ROBO1: variants seen among roughly 807,000 people sequenced by gnomAD.
ROBO1 encodes roundabout homolog 1.
A neutral mutation model predicts 195.9 loss-of-function variants in ROBO1; 149 were observed. The observed-to-expected ratio is 0.76, with a 90% confidence interval of 0.67 to 0.87. ROBO1 has a LOEUF of 0.87. Ranked by LOEUF, ROBO1 falls within the 40% of genes least tolerant of loss-of-function variation. The probability of loss-of-function intolerance (pLI) is 0.00; values close to 1 mark genes in which losing one functional copy is unlikely to be tolerated. For synonymous variants in ROBO1, 816 were observed against 733.2 expected (o/e 1.11, Z -1.82); for missense variants, 1,933 against 2,068.3 (o/e 0.93, Z 1.27).
chr3:79,680,093 C>G (rs1946900077), intron 1 of ROBO1, among the ~76,000 whole-genome samples: 1 of 152,028 alleles, frequency 6.6e-6, no homozygotes, highest in Admixed American at 6.6e-5. Flanking sequence ...GGTCCTCACA[C>G]TGTGACCTAG....
At chr3:78,822,357 G>A (rs1478321827) in intron 4 of ROBO1, among the ~76,000 whole-genome samples, 2 of 152,108 alleles carry the variant, frequency 1.3e-5, no homozygotes, top group African/African-American at 4.8e-5. Context: ...CTCTGTGCCT[G>A]GTCCTGTTGC....
At chr3:79,733,601 T>G (rs2107370054) in intron 1 of ROBO1, among the ~76,000 whole-genome samples, 1 of 152,332 alleles carries the variant, frequency 6.6e-6, no homozygotes, top group African/African-American at 2.4e-5. Flanking sequence ...TCCAGACTAT[T>G]TCCTTTCTTA....
intron 1 of ROBO1, among the ~76,000 whole-genome samples, chr3:79,608,191 T>G (rs577465886): frequency 2.1e-4 from 32 of 152,112 alleles, no homozygotes; most frequent in Admixed American, 6.6e-4. Flanking sequence ...TTGAGATTAT[T>G]ATTAGCTTTA....
chr3:79,760,094 G>T (rs1372153474), intron 1 of ROBO1, among the ~76,000 whole-genome samples: 1 of 151,382 alleles, frequency 6.6e-6, no homozygotes, highest in Non-Finnish European at 1.5e-5. Flanking sequence ...AAAATTATCT[G>T]GGTGTGGTGG....
At chr3:78,818,097 C>T (rs766770908) in intron 4 of ROBO1, among the ~76,000 whole-genome samples, 6 of 152,184 alleles carry the variant, frequency 3.9e-5, no homozygotes, top group Non-Finnish European at 8.8e-5. Context: ...TCAACTGCAT[C>T]AGTTGCAGTA....
intron 4 of ROBO1, among the ~76,000 whole-genome samples, chr3:78,783,832 T>C (rs937967226): frequency 6.6e-6 from 1 of 152,168 alleles, no homozygotes; most frequent in African/African-American, 2.4e-5. Flanking sequence ...GGATATCTGA[T>C]TGCAGACTAA....
chr3:79,103,008 G>T (rs2079707668), intron 3 of ROBO1, among the ~76,000 whole-genome samples: 1 of 151,732 alleles, frequency 6.6e-6, no homozygotes, highest in Non-Finnish European at 1.5e-5. Flanking sequence ...AACAATCGAA[G>T]AGTTCGTCTA....
At chr3:79,634,861 G>A (rs1443708621) in intron 1 of ROBO1, among the ~76,000 whole-genome samples, 3 of 152,164 alleles carry the variant, frequency 2.0e-5, no homozygotes, top group South Asian at 2.1e-4. Context: ...TCTGATAAGC[G>A]AATAGGAACA....
At chr3:78,982,784 A>G (rs1257616075) in intron 3 of ROBO1, among the ~76,000 whole-genome samples, 2 of 151,908 alleles carry the variant, frequency 1.3e-5, no homozygotes, top group Admixed American at 1.3e-4. Flanking sequence ...ATGCACCAAC[A>G]CGCCCAGCTA....
At chr3:78,642,198 G>A (rs961106753) in intron 21 of ROBO1, among the ~76,000 whole-genome samples, 11 of 152,078 alleles carry the variant, frequency 7.2e-5, no homozygotes, top group Non-Finnish European at 1.2e-4. Flanking sequence ...TATAATAAGT[G>A]GATAGATTTG....
At chr3:79,704,341 A>G (rs532656380) in intron 1 of ROBO1, among the ~76,000 whole-genome samples, 1 of 152,100 alleles carries the variant, frequency 6.6e-6, no homozygotes, top group Admixed American at 6.6e-5. Context: ...CTACCTATTC[A>G]TGTCTCCCAT....
At chr3:79,707,085 T>G (rs1369459162) in intron 1 of ROBO1, among the ~76,000 whole-genome samples, 1 of 152,188 alleles carries the variant, frequency 6.6e-6, no homozygotes, top group Admixed American at 6.6e-5. Context: ...GGGAGAAATT[T>G]CCTCCTTTGC....
intron 4 of ROBO1, among the ~76,000 whole-genome samples, chr3:78,780,703 G>GAATT (rs1268520976): frequency 6.6e-6 from 1 of 152,094 alleles, no homozygotes. Flanking sequence ...TTGTTGTGCA[G>GAATT]AATTCATTAC....
chr3:79,700,082 C>T (rs540812101), intron 1 of ROBO1, among the ~76,000 whole-genome samples: 10 of 151,716 alleles, frequency 6.6e-5, no homozygotes, highest in South Asian at 2.1e-4. Context: ...TGAAAACATG[C>T]GGTATTTGAT....
At chr3:78,721,519 C>T (rs1039862109) in intron 5 of ROBO1, among the ~76,000 whole-genome samples, 1 of 152,026 alleles carries the variant, frequency 6.6e-6, no homozygotes, top group African/African-American at 2.4e-5. Context: ...AAGTTCATTG[C>T]TGAAAGAATT....
At chr3:78,929,977 T>TGG (rs1334045289) in intron 4 of ROBO1, among the ~76,000 whole-genome samples, 1 of 152,214 alleles carries the variant, frequency 6.6e-6, no homozygotes, top group Non-Finnish European at 1.5e-5. Flanking sequence ...CTCGTATTAC[T>TGG]GGAAGTCAGC....
At position 78,680,460 on chromosome 3, in the gene ROBO1, T is replaced by C. The variant is rs1356337268; in HGVS notation, c.1342+5286A>G. Among the ~76,000 whole-genome samples the C allele has an allele frequency of 4.6e-5, 7 of 152,142 alleles. No homozygotes were observed. In the East Asian group the frequency reaches 1.2e-3, roughly 25 times the overall value. On this transcript the variant is annotated intron_variant, in intron 10 of 30. Transcript: ENST00000464233. The stretch of plus-strand genomic sequence containing the variant: ...TGACAAAGGGCTAATATCCGGAATC[T>C]ACAATGAACTCCAACAAATTTACAA...
chr3:78,711,390 CCTTCCTTCCTTT>C (rs2081721139), intron 8 of ROBO1, among the ~76,000 whole-genome samples: 4 of 35,114 alleles, frequency 1.1e-4, no homozygotes, highest in African/African-American at 2.9e-4. Context: ...TTCCTTCCTT[CCTTCCTTCCTTT>C]CTTTCTTTCT....
chr3:79,117,148 C>T (rs1327816407), intron 3 of ROBO1, among the ~76,000 whole-genome samples: 1 of 151,852 alleles, frequency 6.6e-6, no homozygotes, highest in South Asian at 2.1e-4. Flanking sequence ...GGGCGGATTG[C>T]CCGTAGCTCA....
Sources: gnomAD v4.1 joint callset for allele counts (sites outside exome capture counted in the v4.1 genomes callset) on GRCh38, gnomAD v4.1.1 for gene constraint, MANE v1.5 for transcripts, NCBI Gene and HGNC (gene_info 2026-07-23, HGNC 2026-07-21) for gene names.